Variants in NKTR observed in about 807,000 individuals in gnomAD.
The protein encoded by NKTR is natural killer cell triggering receptor, also known as NK-tumor recognition protein.
In NKTR, 67 loss-of-function variants were observed where a neutral mutation model predicts 156.3. That is an observed-to-expected ratio of 0.43 (90% confidence interval 0.35 to 0.53). NKTR has a LOEUF of 0.53. Ranked by LOEUF, NKTR falls within the 20% of genes least tolerant of loss-of-function variation. The probability of loss-of-function intolerance (pLI) is 0.01; values close to 1 mark genes in which losing one functional copy is unlikely to be tolerated. For missense variants in NKTR, 1,604 were observed against 1,730.9 expected, an observed-to-expected ratio of 0.93 and a Z score of 1.30; for synonymous variants, 640 against 596.6, an observed-to-expected ratio of 1.07 and a Z score of -1.06.
intron 16 of NKTR, among the ~76,000 whole-genome samples, chr3:42,644,310 G>A (rs1290120110): frequency 6.6e-6 from 1 of 152,038 alleles, no homozygotes; most frequent in African/African-American, 2.4e-5. Flanking sequence ...ATGGCCACTT[G>A]CTTAAATAGA....
intron 15 of NKTR, chr3:42,643,649 G>A (rs1207095804): frequency 3.1e-6 from 2 of 648,822 alleles, no homozygotes; most frequent in Middle Eastern, 2.5e-4. Context: ...GATCCACCAG[G>A]TTCAAACTAA....
intron 6 of NKTR, 124 bp from the exon 7 acceptor site, chr3:42,630,422 C>CTTTTTCCCCTATCT (rs1279466803): frequency 6.5e-7 from 1 of 1,526,752 alleles, no homozygotes; most frequent in Non-Finnish European, 8.8e-7. Context: ...TCATGTTTAA[C>CTTTTTCCCCTATCT]TTTTTCCCCT....
intron 9 of NKTR, chr3:42,633,250 C>A: frequency 1.7e-6 from 1 of 605,044 alleles, no homozygotes; most frequent in Non-Finnish European, 2.2e-6. Context: ...CTATGTTGAC[C>A]AGGCTGGTCT....
In NKTR at chr3:42,639,650, A is replaced by G. The variant is rs758798477; in HGVS notation, c.3946A>G (p.Arg1316Gly). ...TGATAGCCAGTCCAGGAGTCCAAGT[A>G]GATCTCGAAGTAAATCTGAAACCAA... ...DDDSQSRSPS[R>G]SRSKSETKSR... The change falls in exon 13 of 17, where the codon AGA becomes GGA. Residue 1316 changes from arginine (R) to glycine (G), a missense_variant. By Grantham distance (125) the Arg-to-Gly change is moderately radical (BLOSUM62 -2). Around this residue, in one of 6 missense-constraint regions of NKTR, gnomAD observed 193 missense variants for 220.2 expected, o/e 0.88. Coordinates refer to ENST00000232978, the MANE Select transcript of NKTR (RefSeq NM_005385.4). The G allele has an allele frequency of 6.2e-7, 1 of 1,613,978 alleles. No individual in the cohort carries two copies. The highest frequency in any genetic ancestry group is 1.3e-5 in the African/African-American group (1 of 74,940).
rs1410421472 is a variant in NKTR, at chr3:42,642,547, G to A, written c.4093G>A (p.Gly1365Ser). 1 of 1,614,118 alleles carries A rather than the reference G, an allele frequency of 6.2e-7. No homozygotes were observed. The highest frequency in any genetic ancestry group is 1.7e-5 in the Admixed American group (1 of 60,032). The change falls in exon 14 of 17, where the codon GGC (glycine) becomes AGC (serine). Residue 1365 changes from glycine to serine, a missense_variant. Coordinates refer to ENST00000232978, the MANE Select transcript of NKTR (RefSeq NM_005385.4). ...TCGGAGCAGAGGATGGTACAGCAGA[G>A]GCCGAACCAGAAGCCGGAGCAGTTC... ...RSRSRGWYSR[G>S]RTRSRSSSYR... is the part of the protein sequence containing the mutation.
chr3:42,608,412 A>G (rs928718501), intron 2 of NKTR, among the ~76,000 whole-genome samples: 3 of 152,126 alleles, frequency 2.0e-5, no homozygotes, highest in African/African-American at 7.2e-5. Flanking sequence ...TATAAAGGAT[A>G]TATCTCAGGA....
chr3:42,637,326 C>G lies in NKTR; in HGVS notation c.1622C>G (p.Ser541Cys). Reference sequence around the variant, plus strand: ...TCAAGATCAAGGACTGCGTCAAAGTCCTCATCACATTCTCGAAGTAGATCA... The same window carrying G: ...TCAAGATCAAGGACTGCGTCAAAGTGCTCATCACATTCTCGAAGTAGATCA... ...GSSRSRTASK[S>C]SSHSRSRSKS... The change falls in exon 13 of 17, where the codon TCC (serine) becomes TGC (cysteine). Residue 541 changes from serine (S) to cysteine (C), a missense_variant. Ser to Cys is a moderately radical substitution (Grantham distance 112). Coordinates refer to ENST00000232978, the MANE Select transcript of NKTR (RefSeq NM_005385.4). The G allele has an allele frequency of 6.2e-7, 1 of 1,614,150 alleles. No individual in the cohort carries two copies. Among genetic ancestry groups the G allele is most frequent in the Non-Finnish European group, 8.5e-7 (1 of 1,180,010 alleles).
At chr3:42,607,704 C>T (rs1313737242) in intron 2 of NKTR, among the ~76,000 whole-genome samples, 1 of 152,004 alleles carries the variant, frequency 6.6e-6, no homozygotes, top group East Asian at 1.9e-4. Context: ...AACAGAATTC[C>T]ATTCAGCCAT....
At chr3:42,632,061 CTTTTTTTT>C (rs564114469) in intron 8 of NKTR, among the ~76,000 whole-genome samples, 13 of 86,498 alleles carry the variant, frequency 1.5e-4, no homozygotes, top group Admixed American at 4.5e-4. Flanking sequence ...TTATGCAATT[CTTTTTTTT>C]TTTTTTTTTT....
At chr3:42,644,990 G>T (rs1428581933) in intron 16 of NKTR, among the ~76,000 whole-genome samples, 2 of 151,996 alleles carry the variant, frequency 1.3e-5, no homozygotes, top group African/African-American at 2.4e-5. Flanking sequence ...GTGTGTGTGT[G>T]TGTGTGTTCC....
rs1461059364 is a variant in NKTR, at chr3:42,648,062, A to T, written c.*2087A>T. On this transcript the variant is annotated 3_prime_UTR_variant, in exon 17 of 17. Coordinates refer to ENST00000232978, the MANE Select transcript of NKTR (RefSeq NM_005385.4). The stretch of plus-strand genomic sequence containing the variant: ...AGCTGGAGGCCCCTCTCTCACCTCA[A>T]GGCTGCCTGCATTCCTTCTTATGTG... 1 of 152,216 alleles carries T rather than the reference A, an allele frequency of 6.6e-6. No individual in the cohort carries two copies. Among genetic ancestry groups the T allele is most frequent in the South Asian group, 2.1e-4 (1 of 4,830 alleles). The allele number at this position is 152,216 out of a possible 1,614,324, so 9.4% of individuals were successfully genotyped here.
In NKTR at chr3:42,637,941, C is replaced by T; in HGVS notation, c.2237C>T (p.Ser746Phe). ...TGTAGTAGATCATCTTCATATACTT[C>T]TATTAGCAGTGATGATGGAAGGCGA... ...SQCSRSSSYT[S>F]ISSDDGRRAK... The change falls in exon 13 of 17, where the codon TCT becomes TTT. Residue 746 changes from serine (S) to phenylalanine (F), a missense_variant. This residue lies in a region of NKTR where 1,255 missense variants were observed against 1,243.7 expected (regional missense o/e 1.01). Transcript: ENST00000232978. 1 of 1,613,756 alleles carries T rather than the reference C, an allele frequency of 6.2e-7. No individual in the cohort carries two copies. Among genetic ancestry groups the T allele is most frequent in the Non-Finnish European group, 8.5e-7 (1 of 1,179,756 alleles).
rs1709674538 is a variant in NKTR at position 42,639,232 on chromosome 3, A to G, written c.3528A>G (p.Val1176=). ...MATEHPQAEV[V]KQESSMSESK... is the part of the protein sequence containing the mutation. ...CGGAACATCCTCAAGCAGAGGTAGT[A>G]AAACAGGAAAGCAGCATGTCCGAAA... The change falls in exon 13 of 17, where the codon GTA becomes GTG. Residue 1176 remains valine (V), a synonymous_variant. Transcript: ENST00000232978. 6.2e-7 allele frequency: 1 copy of G among 1,614,214 alleles called. No individual in the cohort carries two copies. The highest frequency in any genetic ancestry group is 1.6e-4 in the Middle Eastern group (1 of 6,062).
intron 2 of NKTR, among the ~76,000 whole-genome samples, chr3:42,606,425 A>G (rs1706239791): frequency 6.6e-6 from 1 of 151,956 alleles, no homozygotes; most frequent in Non-Finnish European, 1.5e-5. Flanking sequence ...GTGCAGGAGT[A>G]TGGACACTAA....
Position 42,637,816 on chromosome 3 carries a change from A to T in NKTR, c.2112A>T (p.Arg704Ser), listed in dbSNP as rs1709555977. ...SRSSRSRSYS[R>S]SYTRSRSLAS... is the part of the protein sequence containing the mutation. ...CTTCTAGGAGTAGATCTTATTCCAG[A>T]TCATATACAAGATCACGTAGTCTAG... is the stretch of plus-strand genomic sequence containing the variant. Residue 704 changes from arginine to serine, a missense_variant, in exon 13 of 17, where the codon AGA becomes AGT. Coordinates refer to ENST00000232978, the MANE Select transcript of NKTR (RefSeq NM_005385.4). 6.2e-7 allele frequency: 1 copy of T among 1,613,986 alleles called. No individual in the cohort carries two copies. The highest frequency in any genetic ancestry group is 2.2e-5 in the East Asian group (1 of 44,876).
At chr3:42,619,830 T>C in intron 5 of NKTR, 122 bp downstream of exon 5, 1 of 1,496,324 alleles carries the variant, frequency 6.7e-7, no homozygotes, top group South Asian at 1.4e-5. Flanking sequence ...TAATGCTGCA[T>C]GAAAATACTT....
chr3:42,631,973 ATG>A (rs1708947891), intron 8 of NKTR, among the ~76,000 whole-genome samples: 1 of 148,370 alleles, frequency 6.7e-6, no homozygotes. Flanking sequence ...TTCAAATGTT[ATG>A]TTAAACTACC....
At chr3:42,634,930 T>C (rs1381252756) in intron 11 of NKTR, 8 of 467,924 alleles carry the variant, frequency 1.7e-5, no homozygotes, top group Non-Finnish European at 2.2e-5. Flanking sequence ...GTGAGTATGC[T>C]GAGAAATCAT....
Position 42,639,756 on chromosome 3 carries a change from C to A in NKTR, c.4046+6C>A. ...AGTTCCACATCATCTTATCGGTGAG[C>A]AATATTCTCTTTCCTTTCTTCTCCC... On this transcript the variant is annotated splice_donor_region_variant and intron_variant, in intron 13 of 16. Transcript: ENST00000232978. 1 of 1,573,312 alleles carries A rather than the reference C, an allele frequency of 6.4e-7. No homozygotes were observed. Among genetic ancestry groups the A allele is most frequent in the Non-Finnish European group, 8.7e-7 (1 of 1,154,194 alleles).
Sources: gnomAD v4.1 joint callset for allele counts (sites outside exome capture counted in the v4.1 genomes callset) on GRCh38, gnomAD v4.1.1 for gene constraint, gnomAD v4.1.1 regional missense constraint, MANE v1.5 for transcripts, NCBI Gene and HGNC (gene_info 2026-07-23, HGNC 2026-07-21) for gene names.